EPHA3: variants seen among roughly 807,000 people sequenced by gnomAD.
EPHA3 encodes EPH receptor A3, also known as ephrin type-A receptor 3.
In EPHA3, 42 loss-of-function variants were observed where a neutral mutation model predicts 107.1. The ratio of observed to expected loss-of-function variants is 0.39; its 90% confidence interval spans 0.31 to 0.51. The LOEUF (loss-of-function observed/expected upper bound fraction) is 0.51, where lower values mean the gene tolerates loss of function less well. Ranked by LOEUF, EPHA3 falls within the 20% of genes least tolerant of loss-of-function variation. The pLI is 0.78. For missense variants in EPHA3, 1,183 were observed against 1,211.2 expected (o/e 0.98, Z 0.35); for synonymous variants, 461 against 424.8 (o/e 1.09, Z -1.05).
rs1441325353 is a variant in EPHA3 at position 89,346,641 on chromosome 3, T to C, written c.1306+4551T>C. 4.6e-5 allele frequency among the ~76,000 whole-genome samples: 7 copies of C among 151,120 alleles called. 1 individual carries two copies. Among genetic ancestry groups the C allele is most frequent in the African/African-American group, 7.3e-5 (3 of 41,342 alleles). On this transcript the variant is annotated intron_variant, in intron 5 of 16. Transcript: ENST00000336596. ...ATTTTAATTAGATCCCATTTGTCAA[T>C]TGTGGCTTTTGTTGCCATTGCTTTT...
chr3:89,438,701 G>A (rs1709722667), intron 13 of EPHA3, among the ~76,000 whole-genome samples: 1 of 152,054 alleles, frequency 6.6e-6, no homozygotes, highest in Non-Finnish European at 1.5e-5. Flanking sequence ...CCTTCATATA[G>A]TAACAGTATT....
At chr3:89,283,658 C>T (rs1706003502) in intron 3 of EPHA3, among the ~76,000 whole-genome samples, 2 of 152,074 alleles carry the variant, frequency 1.3e-5, no homozygotes, top group South Asian at 4.1e-4. Flanking sequence ...AGAGAACCCA[C>T]TTCTATCCAG....
At chr3:89,223,873 T>C (rs531077025) in intron 3 of EPHA3, among the ~76,000 whole-genome samples, 1 of 152,244 alleles carries the variant, frequency 6.6e-6, no homozygotes, top group East Asian at 1.9e-4. Context: ...AGTAACGAAT[T>C]TTTTAAGTTA....
At position 89,316,505 on chromosome 3, in the gene EPHA3, AATATATAT is replaced by A. The variant is rs58576798; in HGVS notation, c.815-24383_815-24376del. ...TGTGTGTGTGTGTGTGTGTGTGTGTAATATATATATATATATATATATATATATATATA... is the reference window on the plus strand; with the variant it reads ...TGTGTGTGTGTGTGTGTGTGTGTGTAATATATATATATATATATATATATA... On this transcript the variant is annotated intron_variant, in intron 3 of 16. Coordinates refer to ENST00000336596, the MANE Select transcript of EPHA3 (RefSeq NM_005233.6). Among the ~76,000 whole-genome samples, 850 of 104,116 alleles carry A rather than the reference AATATATAT, an allele frequency of 8.2e-3. 10 individuals carry two copies. Among genetic ancestry groups the A allele is most frequent in the African/African-American group, 0.02 (562 of 28,430 alleles). 68.3% of individuals were successfully genotyped at this position (104,116 alleles called of 152,430 possible).
chr3:89,408,257 A>G (rs1246693901), intron 9 of EPHA3, 126 bp downstream of exon 9: 1 of 819,478 alleles, frequency 1.2e-6, no homozygotes, highest in South Asian at 1.7e-5. Flanking sequence ...AAAACTGAGT[A>G]CATTAAATTT....
chr3:89,350,696 C>A (rs556466621), intron 5 of EPHA3, among the ~76,000 whole-genome samples: 2 of 150,940 alleles, frequency 1.3e-5, no homozygotes, highest in African/African-American at 4.9e-5. Flanking sequence ...AGGCGCTCTG[C>A]GTTTTAGAGT....
intron 2 of EPHA3, among the ~76,000 whole-genome samples, chr3:89,147,325 A>G (rs1227995364): frequency 6.6e-6 from 1 of 151,840 alleles, no homozygotes; most frequent in African/African-American, 2.4e-5. Context: ...CGTTCTGCAC[A>G]TGTATCCCAG....
In EPHA3 at chr3:89,264,061, G is replaced by T. The variant is rs150366127; in HGVS notation, c.814+53541G>T. Among the ~76,000 whole-genome samples, 62 of 152,112 alleles carry T rather than the reference G, an allele frequency of 4.1e-4. No homozygotes were observed. The East Asian group carries it at 0.011, about 27-fold the overall frequency. ...TTCCCAAAAGTCTTAACCCATTCAC[G>T]CATCAACTCTAAGTCCAAAATCTCA... On this transcript the variant is annotated intron_variant, in intron 3 of 16. Transcript: ENST00000336596.
chr3:89,358,193 A>T (rs1445354360), intron 5 of EPHA3, among the ~76,000 whole-genome samples: 1 of 151,106 alleles, frequency 6.6e-6, no homozygotes, highest in Non-Finnish European at 1.5e-5. Context: ...TAACCATCTC[A>T]TCTGTTAAAT....
intron 3 of EPHA3, among the ~76,000 whole-genome samples, chr3:89,272,137 A>C (rs1395851068): frequency 6.6e-6 from 1 of 151,926 alleles, no homozygotes; most frequent in Admixed American, 6.6e-5. Context: ...GCTTTTGGTC[A>C]ACAGTAGGCT....
intron 5 of EPHA3, among the ~76,000 whole-genome samples, chr3:89,342,566 A>G (rs1374861129): frequency 1.3e-5 from 2 of 152,182 alleles, no homozygotes; most frequent in Non-Finnish European, 2.9e-5. Context: ...AATAATAACT[A>G]TGTAGATTAC....
intron 2 of EPHA3, among the ~76,000 whole-genome samples, chr3:89,150,289 A>C (rs1218272701): frequency 6.6e-6 from 1 of 152,082 alleles, no homozygotes; most frequent in African/African-American, 2.4e-5. Flanking sequence ...AAATAATTCA[A>C]ATTTTAAGCT....
chr3:89,476,984 G>T (rs757551116), intron 16 of EPHA3, among the ~76,000 whole-genome samples: 1 of 152,058 alleles, frequency 6.6e-6, no homozygotes, highest in South Asian at 2.1e-4. Context: ...GAAGATGAAA[G>T]AAAAAAGAAA....
At position 89,113,313 on chromosome 3, in the gene EPHA3, C is replaced by T. The variant is rs142061317; in HGVS notation, c.88+5477C>T. Among the ~76,000 whole-genome samples the T allele has an allele frequency of 1.4e-3, 215 of 151,910 alleles. 1 individual carries two copies. The highest frequency in any genetic ancestry group is 5.0e-3 in the African/African-American group (206 of 41,472). Reference sequence around the variant, plus strand: ...TCACAAATCAATCCACCTAGGAAGACATCCCTCAGTGTGTTCGGGGTGTGG... The same window carrying T: ...TCACAAATCAATCCACCTAGGAAGATATCCCTCAGTGTGTTCGGGGTGTGG... On this transcript the variant is annotated intron_variant, in intron 1 of 16. Coordinates refer to ENST00000336596, the MANE Select transcript of EPHA3 (RefSeq NM_005233.6).
At chr3:89,391,778 A>T (rs115132585) in intron 5 of EPHA3, among the ~76,000 whole-genome samples, 1 of 151,968 alleles carries the variant, frequency 6.6e-6, no homozygotes, top group Non-Finnish European at 1.5e-5. Context: ...TATAATCAAT[A>T]CCACTTTACA....
At chr3:89,407,994 G>A in intron 8 of EPHA3, 73 bp from the exon 9 acceptor site, 4 of 1,349,816 alleles carry the variant, frequency 3.0e-6, no homozygotes, top group Non-Finnish European at 4.1e-6. Flanking sequence ...TTTATGCTTT[G>A]CACATTCTGA....
chr3:89,135,822 G>C (rs1704298540), intron 2 of EPHA3, among the ~76,000 whole-genome samples: 1 of 151,086 alleles, frequency 6.6e-6, no homozygotes, highest in Non-Finnish European at 1.5e-5. Flanking sequence ...GTTATCAAGG[G>C]GAAAAAAGTG....
chr3:89,292,780 A>G (rs992972747), intron 3 of EPHA3, among the ~76,000 whole-genome samples: 10 of 152,162 alleles, frequency 6.6e-5, no homozygotes, highest in African/African-American at 2.2e-4. Context: ...AGTTTATTAC[A>G]AATTTCAAAA....
At chr3:89,192,008 G>C (rs1161046340) in intron 2 of EPHA3, among the ~76,000 whole-genome samples, 1 of 152,194 alleles carries the variant, frequency 6.6e-6, no homozygotes, top group South Asian at 2.1e-4. Flanking sequence ...GCCCTAGTGT[G>C]TGACTTCGGG....
Sources: allele counts gnomAD v4.1 joint callset (sites outside exome capture counted in the v4.1 genomes callset), GRCh38; gene constraint gnomAD v4.1.1; transcripts MANE v1.5; gene names NCBI Gene and HGNC (gene_info 2026-07-23, HGNC 2026-07-21).